The following TRIO variants were observed in gnomAD, a reference collection of about 807,000 sequenced individuals.
TRIO encodes the protein triple functional domain protein.
A neutral mutation model predicts 351.9 loss-of-function variants in TRIO; 58 were observed. That is an observed-to-expected ratio of 0.16 (90% CI 0.13 to 0.21). The LOEUF (loss-of-function observed/expected upper bound fraction) is 0.21, where lower values mean the gene tolerates loss of function less well. Among genes scored for constraint, TRIO ranks in the 10% least tolerant of loss-of-function variants. TRIO has a pLI of 1.00. For synonymous variants in TRIO, 1,758 were observed against 1,595.7 expected (o/e 1.10, Z -2.42); for missense variants, 3,201 against 4,027.8 (o/e 0.79, Z 5.56).
chr5:14,452,103 C>T (rs528200746), intron 34 of TRIO, among the ~76,000 whole-genome samples: 4 of 152,308 alleles, frequency 2.6e-5, no homozygotes, highest in South Asian at 2.1e-4. Flanking sequence ...GTTTGGCTGA[C>T]GTTATGTGGC....
intron 31 of TRIO, among the ~76,000 whole-genome samples, chr5:14,401,403 ACT>A (rs1190091588): frequency 1.3e-5 from 2 of 152,058 alleles, no homozygotes; most frequent in Non-Finnish European, 2.9e-5. Flanking sequence ...CTGACCAAAA[ACT>A]CTGATTGCGC....
chr5:14,300,212 C>T (rs1737758527), intron 7 of TRIO, among the ~76,000 whole-genome samples: 1 of 152,204 alleles, frequency 6.6e-6, no homozygotes, highest in South Asian at 2.1e-4. Context: ...GCTTTCACAG[C>T]AGATACCATT....
At chr5:14,225,238 T>A (rs913712460) in intron 1 of TRIO, among the ~76,000 whole-genome samples, 4 of 152,130 alleles carry the variant, frequency 2.6e-5, no homozygotes, top group Admixed American at 6.6e-5. Context: ...GGGAGGAGAT[T>A]TGGTATACTT....
At chr5:14,405,141 G>A (rs922426521) in intron 31 of TRIO, among the ~76,000 whole-genome samples, 1 of 152,004 alleles carries the variant, frequency 6.6e-6, no homozygotes, top group African/African-American at 2.4e-5. Context: ...TCAGTCTGCA[G>A]GTGCTTGCTG....
chr5:14,358,944 G>C (rs1743881214), intron 12 of TRIO, among the ~76,000 whole-genome samples: 1 of 152,236 alleles, frequency 6.6e-6, no homozygotes. Context: ...TTTGCTGAGA[G>C]AGGCAGGCAG....
intron 1 of TRIO, among the ~76,000 whole-genome samples, chr5:14,151,973 C>T (rs1055629817): frequency 1.3e-5 from 2 of 152,008 alleles, no homozygotes; most frequent in South Asian, 4.2e-4. Context: ...TGATAAGGAC[C>T]GAGAGCTACA....
chr5:14,305,517 G>T (rs780027080), intron 8 of TRIO, among the ~76,000 whole-genome samples: 1 of 152,198 alleles, frequency 6.6e-6, no homozygotes, highest in Non-Finnish European at 1.5e-5. Flanking sequence ...AAAGATTATC[G>T]CAAGGCTTCT....
chr5:14,235,926 A>G (rs1434549174), intron 1 of TRIO, among the ~76,000 whole-genome samples: 1 of 152,092 alleles, frequency 6.6e-6, no homozygotes, highest in Non-Finnish European at 1.5e-5. Flanking sequence ...TGGCCTCCCA[A>G]AGTGCCTGGA....
chr5:14,374,932 T>C (rs1378132127), intron 19 of TRIO, among the ~76,000 whole-genome samples: 4 of 152,062 alleles, frequency 2.6e-5, no homozygotes, highest in African/African-American at 9.7e-5. Context: ...GGAAAATGGA[T>C]AAAGAAACTA....
chr5:14,230,175 T>G (rs1261549941), intron 1 of TRIO, among the ~76,000 whole-genome samples: 2 of 152,214 alleles, frequency 1.3e-5, no homozygotes, highest in Non-Finnish European at 2.9e-5. Context: ...TTTGGTACAC[T>G]TCCAAACTGA....
chr5:14,278,267 G>A (rs1333949382), intron 2 of TRIO, among the ~76,000 whole-genome samples: 1 of 152,210 alleles, frequency 6.6e-6, no homozygotes, highest in Non-Finnish European at 1.5e-5. Context: ...CAGAATGGCC[G>A]TGCGCATTGT....
At chr5:14,387,706 A>G (rs555182159) in intron 22 of TRIO, 26 bp from the exon 23 acceptor site, 2 of 1,612,058 alleles carry the variant, frequency 1.2e-6, no homozygotes, top group Admixed American at 3.3e-5. Context: ...TAATTAACTG[A>G]GTTCATTGGC....
intron 18 of TRIO, among the ~76,000 whole-genome samples, chr5:14,372,378 G>A (rs1439763951): frequency 6.6e-6 from 1 of 152,076 alleles, no homozygotes; most frequent in Non-Finnish European, 1.5e-5. Flanking sequence ...TCTGTGATTG[G>A]TAAGAAGATT....
intron 1 of TRIO, among the ~76,000 whole-genome samples, chr5:14,155,352 T>C (rs1788043917): frequency 6.6e-6 from 1 of 152,218 alleles, no homozygotes; most frequent in African/African-American, 2.4e-5. Context: ...TTTCTAAGAG[T>C]GAGGACATGC....
intron 8 of TRIO, among the ~76,000 whole-genome samples, chr5:14,305,009 T>A (rs1465004600): frequency 6.6e-6 from 1 of 152,216 alleles, no homozygotes; most frequent in Non-Finnish European, 1.5e-5. Context: ...AGTGTAACAT[T>A]TTCTTTATTA....
chr5:14,351,530 CAG>C (rs901101677), intron 11 of TRIO, among the ~76,000 whole-genome samples: 1 of 152,156 alleles, frequency 6.6e-6, no homozygotes, highest in African/African-American at 2.4e-5. Context: ...AGTAGGGAAA[CAG>C]ATACCAATGG....
At chr5:14,337,937 A>G (rs1482712823) in intron 11 of TRIO, among the ~76,000 whole-genome samples, 5 of 152,228 alleles carry the variant, frequency 3.3e-5, no homozygotes, top group Non-Finnish European at 5.9e-5. Context: ...CGAGATGGTC[A>G]TCAGGATAGA....
intron 34 of TRIO, among the ~76,000 whole-genome samples, chr5:14,453,485 A>G (rs532250443): frequency 1.3e-5 from 2 of 152,374 alleles, no homozygotes; most frequent in East Asian, 1.9e-4. Context: ...TGTAAATACA[A>G]TGTAGTGAGT....
chr5:14,293,682 C>T (rs1038001893), intron 6 of TRIO, among the ~76,000 whole-genome samples: 12 of 152,186 alleles, frequency 7.9e-5, no homozygotes, highest in South Asian at 4.1e-4. Flanking sequence ...CCTTGGCTGT[C>T]GTGACTGTCA....
Sources: allele counts gnomAD v4.1 joint callset (sites outside exome capture counted in the v4.1 genomes callset), GRCh38; gene constraint gnomAD v4.1.1; transcripts MANE v1.5; gene names NCBI Gene and HGNC (gene_info 2026-07-23, HGNC 2026-07-21).